NECTIN3: variants seen among roughly 807,000 people sequenced by gnomAD.
The protein encoded by NECTIN3 is nectin-3.
A neutral mutation model predicts 49.4 loss-of-function variants in NECTIN3; 8 were observed. The ratio of observed to expected loss-of-function variants is 0.16; its 90% CI spans 0.10 to 0.29. The LOEUF is 0.29. Among genes scored for constraint, NECTIN3 ranks in the 10% least tolerant of loss-of-function variants. The probability of loss-of-function intolerance (pLI) is 1.00; values close to 1 mark genes in which losing one functional copy is unlikely to be tolerated. For synonymous variants in NECTIN3, 277 were observed against 241.1 expected (o/e 1.15, Z -1.38); for missense variants, 581 against 654.6 (o/e 0.89, Z 1.23).
At chr3:111,118,284 T>TATATATATATATATATATA (rs1559789405) in intron 2 of NECTIN3, among the ~76,000 whole-genome samples, 3 of 49,532 alleles carry the variant, frequency 6.1e-5, no homozygotes, top group African/African-American at 1.5e-4. Context: ...ATATATATAT[T>TATATATATATATATATATA]ATACATATAT....
chr3:111,090,568 TTGTGTGTG>T lies in NECTIN3; in HGVS notation c.160+18415_160+18422del, dbSNP rs10596117. 2.4e-3 allele frequency among the ~76,000 whole-genome samples: 354 copies of T among 148,488 alleles called. 1 individual carries two copies. The highest frequency in any genetic ancestry group is 5.1e-3 in the East Asian group (25 of 4,942). On this transcript the variant is annotated intron_variant, in intron 1 of 5. Coordinates refer to ENST00000485303, the MANE Select transcript of NECTIN3 (RefSeq NM_015480.3). ...TTAGTGCTAGTGTGTGTTTGCTTGT[TTGTGTGTG>T]TGTGTGTGTGTGTGTGTGTGTGTCT...
intron 5 of NECTIN3, 32 bp from the exon 6 acceptor site, chr3:111,133,603 T>C: frequency 6.3e-7 from 1 of 1,586,020 alleles, no homozygotes; most frequent in Middle Eastern, 1.7e-4. Context: ...TTTGCCTTTC[T>C]GTGTCTTCTC....
chr3:111,093,591 C>CGCCT lies in NECTIN3; in HGVS notation c.161-18437_161-18434dup, dbSNP rs1190622565. 3.3e-5 allele frequency among the ~76,000 whole-genome samples: 5 copies of CGCCT among 151,952 alleles called. No individual in the cohort carries two copies. In the East Asian group the frequency reaches 5.8e-4, roughly 18 times the overall value. ...CTAGGATTACAGGCACGTGCCACCA[C>CGCCT]GCCTGGATAATTTTTTGTATTTTTA... On this transcript the variant is annotated intron_variant, in intron 1 of 5. Transcript: ENST00000485303.
intron 1 of NECTIN3, among the ~76,000 whole-genome samples, chr3:111,096,445 A>G (rs898923585): frequency 1.3e-5 from 2 of 152,194 alleles, no homozygotes; most frequent in African/African-American, 4.8e-5. Flanking sequence ...TTCTGAGGAG[A>G]AATTCAAGCT....
chr3:111,104,073 T>G (rs2033052822), intron 1 of NECTIN3, among the ~76,000 whole-genome samples: 1 of 152,190 alleles, frequency 6.6e-6, no homozygotes, highest in Non-Finnish European at 1.5e-5. Context: ...TGTTTAACTT[T>G]AAGAGACTGC....
intron 7 of NECTIN3, among the ~76,000 whole-genome samples, chr3:111,172,028 C>A (rs2035442951): frequency 6.6e-6 from 1 of 152,156 alleles, no homozygotes; most frequent in Non-Finnish European, 1.5e-5. Flanking sequence ...AAATTGGATA[C>A]TTTGTACTGT....
intron 2 of NECTIN3, among the ~76,000 whole-genome samples, chr3:111,114,237 A>G (rs1412659303): frequency 1.3e-5 from 2 of 151,948 alleles, no homozygotes; most frequent in Admixed American, 1.3e-4. Flanking sequence ...ATCATAAACT[A>G]TTTGCAGTTC....
Position 111,134,923 on chromosome 3 carries a change from A to G in NECTIN3, c.*708A>G, listed in dbSNP as rs868150249. ...ATTAGCTGGTCAATATTTTTGTCCA[A>G]AATACCTGCAAGAGTAATAAAATAC... On this transcript the variant is annotated 3_prime_UTR_variant, in exon 6 of 6. Transcript: ENST00000485303. 2 of 983,950 alleles carry G rather than the reference A, an allele frequency of 2.0e-6. No homozygotes were observed. The highest frequency in any genetic ancestry group is 1.7e-5 in the African/African-American group (1 of 57,284). 61.0% of individuals were successfully genotyped at this position (983,950 alleles called of 1,614,324 possible).
At chr3:111,108,059 C>T (rs952129838) in intron 1 of NECTIN3, among the ~76,000 whole-genome samples, 2 of 151,928 alleles carry the variant, frequency 1.3e-5, no homozygotes, top group African/African-American at 4.8e-5. Context: ...GCAAAACTTA[C>T]TTTTGTAACA....
At chr3:111,158,110 T>G (rs1463347105) in intron 7 of NECTIN3, among the ~76,000 whole-genome samples, 1 of 152,132 alleles carries the variant, frequency 6.6e-6, no homozygotes, top group African/African-American at 2.4e-5. Context: ...TTAAACATTG[T>G]CTTATGGTTG....
intron 1 of NECTIN3, chr3:111,072,657 A>G: frequency 3.0e-6 from 4 of 1,341,294 alleles, no homozygotes; most frequent in Non-Finnish European, 4.1e-6. Context: ...AGAAGGCACC[A>G]TTTTAGCCCA....
intron 5 of NECTIN3, among the ~76,000 whole-genome samples, chr3:111,127,567 T>G (rs1185491737): frequency 6.6e-6 from 1 of 151,674 alleles, no homozygotes; most frequent in African/African-American, 2.4e-5. Flanking sequence ...AAATCTGTAT[T>G]TTTTTTTCTT....
chr3:111,076,217 T>C (rs1048834361), intron 1 of NECTIN3, among the ~76,000 whole-genome samples: 8 of 152,166 alleles, frequency 5.3e-5, no homozygotes, highest in African/African-American at 1.9e-4. Context: ...ACTTATGGGT[T>C]ATTGTTAATT....
At chr3:111,145,167 G>T in intron 6 of NECTIN3, 4 of 1,075,310 alleles carry the variant, frequency 3.7e-6, no homozygotes, top group Non-Finnish European at 5.2e-6. Context: ...TTTGTTAGAT[G>T]ACCGTGGTTT....
At chr3:111,161,333 C>T (rs1463101175) in intron 7 of NECTIN3, among the ~76,000 whole-genome samples, 1 of 152,152 alleles carries the variant, frequency 6.6e-6, no homozygotes, top group Admixed American at 6.5e-5. Flanking sequence ...TTAATTTAGC[C>T]CACTGCCATG....
chr3:111,087,758 G>C (rs2032020153), intron 1 of NECTIN3, among the ~76,000 whole-genome samples: 1 of 151,774 alleles, frequency 6.6e-6, no homozygotes, highest in African/African-American at 2.4e-5. Flanking sequence ...GAGTGCAATG[G>C]CATGATCCCA....
At chr3:111,130,019 G>C (rs568134667) in intron 5 of NECTIN3, among the ~76,000 whole-genome samples, 1 of 147,740 alleles carries the variant, frequency 6.8e-6, no homozygotes, top group Non-Finnish European at 1.5e-5. Context: ...GCAGTGGAGC[G>C]ATCTTGGCTC....
At position 111,146,019 on chromosome 3, in the gene NECTIN3, C is replaced by T. The variant is rs148021397; in HGVS notation, c.1139+982C>T. Among the ~76,000 whole-genome samples the T allele has an allele frequency of 5.9e-5, 9 of 152,130 alleles. 1 individual carries two copies. Among genetic ancestry groups the T allele is most frequent in the Admixed American group, 5.9e-4 (9 of 15,280 alleles). ...TTTTTCACCTAAATGGCCTATGGCACCTTGGAGCTAGAAATTTGCTGTGAT... is the reference window on the plus strand; with the variant it reads ...TTTTTCACCTAAATGGCCTATGGCATCTTGGAGCTAGAAATTTGCTGTGAT... On this transcript the variant is annotated intron_variant, in intron 6 of 8. Coordinates refer to the NECTIN3 transcript ENST00000493615.
chr3:111,076,589 T>G (rs1469114012), intron 1 of NECTIN3, among the ~76,000 whole-genome samples: 1 of 152,146 alleles, frequency 6.6e-6, no homozygotes, highest in African/African-American at 2.4e-5. Context: ...TTTAAATTGT[T>G]GAATCTGTAT....
Sources: allele counts gnomAD v4.1 joint callset (sites outside exome capture counted in the v4.1 genomes callset), GRCh38; gene constraint gnomAD v4.1.1; transcripts MANE v1.5; gene names NCBI Gene and HGNC (gene_info 2026-07-23, HGNC 2026-07-21).